SOX5: variants seen among roughly 807,000 people sequenced by gnomAD.
SOX5 encodes the protein transcription factor SOX-5.
Under a neutral mutation model 92.0 loss-of-function variants are expected in SOX5, and 9 were observed. The ratio of observed to expected loss-of-function variants is 0.10; its 90% confidence interval spans 0.06 to 0.17. The LOEUF (loss-of-function observed/expected upper bound fraction) is 0.17, where lower values mean the gene tolerates loss of function less well. Among genes scored for constraint, SOX5 ranks in the 10% least tolerant of loss-of-function variants. The pLI, the probability that SOX5 is intolerant of heterozygous loss-of-function variation, is 1.00. For missense variants in SOX5, 642 were observed against 944.5 expected (o/e 0.68, Z 4.20); for synonymous variants, 344 against 336.3 (o/e 1.02, Z -0.25).
chr12:23,587,077 G>A (rs191534203), intron 9 of SOX5, among the ~76,000 whole-genome samples: 146 of 151,974 alleles, frequency 9.6e-4, no homozygotes, highest in Non-Finnish European at 5.7e-4. Flanking sequence ...CAAACATTTT[G>A]AAGAATAAGT....
intron 3 of SOX5, among the ~76,000 whole-genome samples, chr12:23,778,568 C>T (rs181680074): frequency 3.7e-4 from 57 of 152,182 alleles, no homozygotes; most frequent in South Asian, 1.9e-3. Context: ...AGTCATACCA[C>T]GAAGGATCTT....
intron 1 of SOX5, among the ~76,000 whole-genome samples, chr12:24,507,086 G>A (rs1462188920): frequency 2.6e-5 from 4 of 151,732 alleles, no homozygotes; most frequent in East Asian, 1.9e-4. Context: ...CACCGCGCCC[G>A]GCCCATGGTA....
At chr12:24,415,922 TAAC>T (rs1566109751) in intron 1 of SOX5, among the ~76,000 whole-genome samples, 1 of 152,176 alleles carries the variant, frequency 6.6e-6, no homozygotes, top group Non-Finnish European at 1.5e-5. Context: ...GAAAGGGGCT[TAAC>T]AACAAAACAC....
chr12:23,746,712 G>A (rs919358822), intron 4 of SOX5, among the ~76,000 whole-genome samples: 21 of 152,010 alleles, frequency 1.4e-4, no homozygotes, highest in African/African-American at 4.8e-4. Context: ...ATGAGGGAAG[G>A]GAACCAGCTT....
chr12:23,709,778 G>T (rs2091854689), intron 6 of SOX5, among the ~76,000 whole-genome samples: 1 of 152,170 alleles, frequency 6.6e-6, no homozygotes, highest in East Asian at 1.9e-4. Flanking sequence ...ACTACATCAG[G>T]ATAGGAAATG....
chr12:24,070,403 G>T (rs1941576486), intron 4 of SOX5, among the ~76,000 whole-genome samples: 1 of 152,070 alleles, frequency 6.6e-6, no homozygotes, highest in African/African-American at 2.4e-5. Context: ...TTTTGTTTGT[G>T]CCAGGGAAAA....
At chr12:23,921,361 C>A (rs1938206933) in intron 1 of SOX5, among the ~76,000 whole-genome samples, 1 of 151,412 alleles carries the variant, frequency 6.6e-6, no homozygotes, top group African/African-American at 2.4e-5. Flanking sequence ...TGCTCTAAGA[C>A]CTCAAAGTTG....
intron 5 of SOX5, 139 bp downstream of exon 5, chr12:23,740,728 C>CT: frequency 2.7e-6 from 2 of 730,884 alleles, no homozygotes; most frequent in Non-Finnish European, 2.1e-6. Flanking sequence ...TTTTGTTTTG[C>CT]TTTTTTGGCC....
chr12:23,715,190 T>C (rs890988386), intron 6 of SOX5, among the ~76,000 whole-genome samples: 8 of 151,814 alleles, frequency 5.3e-5, no homozygotes, highest in African/African-American at 1.9e-4. Flanking sequence ...TCCCAGCTAC[T>C]AGGGAGGCTG....
intron 1 of SOX5, among the ~76,000 whole-genome samples, chr12:23,935,211 G>A (rs933595678): frequency 6.6e-6 from 1 of 150,992 alleles, no homozygotes; most frequent in African/African-American, 2.4e-5. Context: ...ATATCTAATT[G>A]AGTTTTCTAC....
intron 3 of SOX5, among the ~76,000 whole-genome samples, chr12:23,757,262 A>G (rs370951051): frequency 6.6e-6 from 1 of 151,966 alleles, no homozygotes; most frequent in African/African-American, 2.4e-5. Flanking sequence ...TTTTTCCCTC[A>G]GAACAAAATA....
At chr12:24,285,530 T>C (rs977581283) in intron 2 of SOX5, among the ~76,000 whole-genome samples, 1 of 152,226 alleles carries the variant, frequency 6.6e-6, no homozygotes, top group African/African-American at 2.4e-5. Context: ...AGCAGCGCTA[T>C]ACTGGTTCTG....
chr12:23,809,554 A>G (rs1259034220), intron 3 of SOX5, among the ~76,000 whole-genome samples: 2 of 151,756 alleles, frequency 1.3e-5, no homozygotes, highest in Admixed American at 6.6e-5. Context: ...TGTTTATATT[A>G]TTCTTAAATA....
In SOX5 at chr12:24,393,124, T is replaced by C. The variant is rs185040486; in HGVS notation, c.-250-24485A>G. On this transcript the variant is annotated intron_variant, in intron 1 of 4. Coordinates refer to the SOX5 transcript ENST00000446891. This position sits in a 1 kb window ranked among gnomAD's most constrained non-coding sequence, Gnocchi z 5.0. ...TCCCAATTATAATAAATGAATAAAG[T>C]AGATTGAAGCTAAGAAAAAAAATAC... Among the ~76,000 whole-genome samples the C allele has an allele frequency of 2.0e-5, 3 of 151,740 alleles. No individual in the cohort carries two copies. The East Asian group carries it at 5.9e-4, about 30-fold the overall frequency.
intron 6 of SOX5, among the ~76,000 whole-genome samples, chr12:23,690,920 C>A (rs893251149): frequency 6.6e-6 from 1 of 152,188 alleles, no homozygotes; most frequent in African/African-American, 2.4e-5. Flanking sequence ...CCTTCCTTAG[C>A]TCCTGAATCC....
At chr12:24,301,035 G>A (rs1947884838) in intron 2 of SOX5, among the ~76,000 whole-genome samples, 1 of 152,178 alleles carries the variant, frequency 6.6e-6, no homozygotes, top group African/African-American at 2.4e-5. Context: ...TGTACTCTCA[G>A]CAAGTGCCCT....
At chr12:23,864,321 T>C (rs2096788722) in intron 2 of SOX5, among the ~76,000 whole-genome samples, 2 of 152,116 alleles carry the variant, frequency 1.3e-5, no homozygotes, top group African/African-American at 4.8e-5. Context: ...AATTAGGCCA[T>C]ATATTAACCA....
upstream of SOX5, chr12:23,950,980 C>T: frequency 4.5e-6 from 1 of 219,790 alleles, no homozygotes; most frequent in Non-Finnish European, 8.9e-6. Flanking sequence ...CACGCATGCA[C>T]ACACACACAC....
chr12:24,213,418 C>CAAAAA lies in SOX5; in HGVS notation c.-76-2_-76-1insTTTTT, dbSNP rs1958851622. On this transcript the variant is annotated splice_acceptor_variant, in intron 3 of 4. Coordinates refer to the SOX5 transcript ENST00000446891. LOFTEE classifies it low-confidence loss of function (5UTR_SPLICE). Reference sequence around the variant, plus strand: ...TTGATATTATCTATTTCTTGAAATGCTAAAAAAAAAAAAAAAAAAAAGAAA... The same window carrying CAAAAA: ...TTGATATTATCTATTTCTTGAAATGCAAAAATAAAAAAAAAAAAAAAAAAAAGAAA... 5.3e-5 allele frequency: 1 copy of CAAAAA among 19,044 alleles called. No homozygotes were observed. The highest frequency in any genetic ancestry group is 9.6e-5 in the Non-Finnish European group (1 of 10,396). 1.2% of individuals were successfully genotyped at this position (19,044 alleles called of 1,614,324 possible). A position where few individuals can be genotyped will look rare whatever the true frequency, so the allele number is the denominator to read the frequency against.
Sources: allele counts gnomAD v4.1 joint callset (sites outside exome capture counted in the v4.1 genomes callset), GRCh38; gene constraint gnomAD v4.1.1; non-coding constraint Gnocchi (gnomAD v3.1); transcripts MANE v1.5; gene names NCBI Gene and HGNC (gene_info 2026-07-23, HGNC 2026-07-21).